CHRM3: variants seen among roughly 807,000 people sequenced by gnomAD.
The protein encoded by CHRM3 is muscarinic acetylcholine receptor M3.
In CHRM3, 11 loss-of-function variants were observed where a neutral mutation model predicts 41.8. That is an observed-to-expected ratio of 0.26 (90% CI 0.17 to 0.44). The LOEUF is 0.44. Among genes scored for constraint, CHRM3 ranks in the 20% least tolerant of loss-of-function variants. The probability of loss-of-function intolerance (pLI) is 1.00; values close to 1 mark genes in which losing one functional copy is unlikely to be tolerated. For missense variants in CHRM3, 571 were observed against 745.4 expected (o/e 0.77, Z 2.72); for synonymous variants, 297 against 301.4 (o/e 0.99, Z 0.15).
chr1:239,866,173 C>G (rs1197857560), intron 6 of CHRM3, among the ~76,000 whole-genome samples: 2 of 152,060 alleles, frequency 1.3e-5, no homozygotes, highest in South Asian at 4.1e-4. Flanking sequence ...ATCAGGAGAT[C>G]CAGACCATCC....
intron 1 of CHRM3, among the ~76,000 whole-genome samples, chr1:239,412,642 A>G (rs1169415345): frequency 6.6e-6 from 1 of 151,934 alleles, no homozygotes; most frequent in African/African-American, 2.4e-5. Context: ...TCACTGCTGC[A>G]GTATATCCTG....
chr1:239,829,916 A>G (rs1672763863), intron 6 of CHRM3, among the ~76,000 whole-genome samples: 1 of 152,198 alleles, frequency 6.6e-6, no homozygotes, highest in Admixed American at 6.5e-5. Flanking sequence ...AGAGCCCCTT[A>G]TAATTACTAT....
intron 2 of CHRM3, among the ~76,000 whole-genome samples, chr1:239,498,940 T>A (rs185270875): frequency 6.6e-6 from 1 of 152,316 alleles, no homozygotes; most frequent in East Asian, 1.9e-4. Context: ...TTATTTAGCG[T>A]GCTTCCTTAT....
At chr1:239,575,601 A>T (rs1450889512) in intron 3 of CHRM3, among the ~76,000 whole-genome samples, 2 of 152,018 alleles carry the variant, frequency 1.3e-5, no homozygotes, top group Non-Finnish European at 2.9e-5. Flanking sequence ...AGGCTGGGAA[A>T]GCTATGCAGT....
intron 3 of CHRM3, among the ~76,000 whole-genome samples, chr1:239,556,057 C>T (rs80159241): frequency 0.036 from 5,413 of 152,198 alleles, 355 homozygotes; most frequent in African/African-American, 0.12. Context: ...CTGTTTACTA[C>T]GTTGCAATGA....
chr1:239,689,467 A>G (rs1659499391), intron 5 of CHRM3, among the ~76,000 whole-genome samples: 1 of 152,194 alleles, frequency 6.6e-6, no homozygotes, highest in Non-Finnish European at 1.5e-5. Context: ...TTTTTTAATA[A>G]GAGTTAAAAG....
chr1:239,749,637 C>T (rs1390587092), intron 5 of CHRM3, among the ~76,000 whole-genome samples: 1 of 152,136 alleles, frequency 6.6e-6, no homozygotes, highest in East Asian at 1.9e-4. Context: ...CACTTCACTC[C>T]AGCCTGGGTG....
intron 6 of CHRM3, among the ~76,000 whole-genome samples, chr1:239,859,767 T>C (rs1314863470): frequency 6.7e-6 from 1 of 148,740 alleles, no homozygotes; most frequent in Non-Finnish European, 1.5e-5. Context: ...ATTTATGTAG[T>C]GCATGCCGTA....
intron 5 of CHRM3, among the ~76,000 whole-genome samples, chr1:239,782,984 A>AC (rs1668615421): frequency 2.1e-5 from 1 of 47,926 alleles, no homozygotes; most frequent in African/African-American, 6.2e-5. Flanking sequence ...TTTGATTTCT[A>AC]GTTTTTTTAA....
chr1:239,879,135 TC>T (rs1677373498), intron 6 of CHRM3, among the ~76,000 whole-genome samples: 1 of 152,148 alleles, frequency 6.6e-6, no homozygotes, highest in African/African-American at 2.4e-5. Context: ...AATGTGCATT[TC>T]CATTTTTTTC....
In CHRM3 at chr1:239,560,163, A is replaced by T. The variant is rs574274566; in HGVS notation, c.-313+14414A>T. Among the ~76,000 whole-genome samples the T allele has an allele frequency of 1.6e-4, 25 of 152,366 alleles. 1 individual carries two copies. In the South Asian group the frequency reaches 5.2e-3, roughly 32 times the overall value. ...TTAAATACCACTATTTAGGCAAATT[A>T]ATTAGAAAATATATCAATACTTTCA... On this transcript the variant is annotated intron_variant, in intron 3 of 6. Transcript: ENST00000676153.
At chr1:239,417,315 G>T (rs1015779704) in intron 1 of CHRM3, among the ~76,000 whole-genome samples, 2 of 152,172 alleles carry the variant, frequency 1.3e-5, no homozygotes, top group Non-Finnish European at 1.5e-5. Flanking sequence ...AGAACAAGTG[G>T]TCTGCACTTC....
rs909167210 is a variant in CHRM3, at chr1:239,386,825, C to G, written c.-923C>G. On this transcript the variant is annotated 5_prime_UTR_variant, in exon 1 of 7. Transcript: ENST00000676153. ...GGAAAAGGGCGTGAACAGAAAGGGCCGGAGCGTGCAGGGGAGCACAGGGCG... is the reference window on the plus strand; with the variant it reads ...GGAAAAGGGCGTGAACAGAAAGGGCGGGAGCGTGCAGGGGAGCACAGGGCG... 6.6e-6 allele frequency: 1 copy of G among 152,468 alleles called. No individual in the cohort carries two copies. Among genetic ancestry groups the G allele is most frequent in the Admixed American group, 6.5e-5 (1 of 15,280 alleles). The allele number at this position is 152,468 out of a possible 1,614,324, so 9.4% of individuals were successfully genotyped here. A position where few individuals can be genotyped will look rare whatever the true frequency, so the allele number is the denominator to read the frequency against.
At chr1:239,842,026 G>C (rs900358496) in intron 6 of CHRM3, among the ~76,000 whole-genome samples, 1 of 152,194 alleles carries the variant, frequency 6.6e-6, no homozygotes, top group Non-Finnish European at 1.5e-5. Flanking sequence ...TGCTCCGCAT[G>C]ATACTGAAAT....
chr1:239,711,043 G>C (rs182313320), intron 5 of CHRM3, among the ~76,000 whole-genome samples: 5 of 152,002 alleles, frequency 3.3e-5, no homozygotes, highest in Non-Finnish European at 5.9e-5. Context: ...CCACAATACC[G>C]CCCTGAGTTT....
intron 3 of CHRM3, among the ~76,000 whole-genome samples, chr1:239,599,312 C>G (rs926171679): frequency 3.3e-5 from 5 of 152,082 alleles, no homozygotes; most frequent in African/African-American, 1.2e-4. Context: ...CTCATAGTTT[C>G]TATGGCTTCT....
chr1:239,619,371 TC>T (rs1403796366), intron 3 of CHRM3, among the ~76,000 whole-genome samples: 1 of 152,186 alleles, frequency 6.6e-6, no homozygotes, highest in Admixed American at 6.5e-5. Context: ...GATGGAGACT[TC>T]CTGCCATTGC....
chr1:239,493,839 T>A (rs1164086100), intron 2 of CHRM3, among the ~76,000 whole-genome samples: 1 of 152,180 alleles, frequency 6.6e-6, no homozygotes, highest in Non-Finnish European at 1.5e-5. Context: ...TTGAACCTGA[T>A]GCAGGAAAGG....
At chr1:239,480,370 G>T (rs956995740) in intron 1 of CHRM3, among the ~76,000 whole-genome samples, 12 of 152,066 alleles carry the variant, frequency 7.9e-5, no homozygotes, top group Admixed American at 7.2e-4. Context: ...CCTGTGCAAA[G>T]ATTGTATATA....
Sources: gnomAD v4.1 joint callset for allele counts (sites outside exome capture counted in the v4.1 genomes callset) on GRCh38, gnomAD v4.1.1 for gene constraint, MANE v1.5 for transcripts, NCBI Gene and HGNC (gene_info 2026-07-23, HGNC 2026-07-21) for gene names.